Variants in ZFAT observed in about 807,000 individuals in gnomAD.
ZFAT encodes the protein zinc finger and AT-hook domain containing.
ZFAT carries 64 observed loss-of-function variants against 117.7 expected under a neutral mutation model. The ratio of observed to expected loss-of-function variants is 0.54; its 90% CI spans 0.44 to 0.67. The LOEUF is 0.67. Among genes scored for constraint, ZFAT ranks in the 30% least tolerant of loss-of-function variants. The pLI is 0.00. For missense variants in ZFAT, 1,433 were observed against 1,584.5 expected, an observed-to-expected ratio of 0.90 and a Z score of 1.62; for synonymous variants, 679 against 615.0, an observed-to-expected ratio of 1.10 and a Z score of -1.54.
intron 1 of ZFAT, 42 bp downstream of exon 1, chr8:134,712,803 C>A (rs770034128): frequency 2.2e-6 from 2 of 924,686 alleles, no homozygotes; most frequent in Non-Finnish European, 3.2e-6. Flanking sequence ...GCGCCGCGCC[C>A]CACCCCCACC....
chr8:134,616,140 C>T (rs1828718025), intron 3 of ZFAT, among the ~76,000 whole-genome samples: 1 of 152,188 alleles, frequency 6.6e-6, no homozygotes, highest in Admixed American at 6.5e-5. Flanking sequence ...TTCTCCACCG[C>T]ACTCCTGTAC....
In ZFAT at chr8:134,657,660, C is replaced by G. The variant is rs1831693053; in HGVS notation, c.97G>C (p.Glu33Gln). Residue 33 changes from glutamate to glutamine, a missense_variant, in exon 2 of 16, where the codon GAG (glutamate) becomes CAG (glutamine). Physicochemically the swap from Glu to Gln is conservative, Grantham distance 29. This residue lies in a region of ZFAT where 436 missense variants were observed against 482.0 expected (regional missense o/e 0.90). Transcript: ENST00000377838. Reference protein sequence around the residue: ...NQSELLSHVSEKHMEEGVNVD... With the variant: ...NQSELLSHVSQKHMEEGVNVD... ...TTAACCCCTTCTTCCATGTGCTTCTCTGAAACGTGGGAGAGGAGTTCCGAC... is the reference window on the plus strand; with the variant it reads ...TTAACCCCTTCTTCCATGTGCTTCTGTGAAACGTGGGAGAGGAGTTCCGAC... The G allele has an allele frequency of 1.9e-6, 3 of 1,613,924 alleles. No homozygotes were observed. In the Admixed American group the frequency reaches 5.0e-5, roughly 27 times the overall value.
At chr8:134,830,524 C>A in the ZFAT span, among the ~76,000 whole-genome samples, 1 of 152,212 alleles carries the variant, frequency 6.6e-6, no homozygotes, top group African/African-American at 2.4e-5. Context: ...AAAGCACCCA[C>A]ATATCAGAAA....
intron 10 of ZFAT, among the ~76,000 whole-genome samples, chr8:134,566,742 C>T (rs1349614069): frequency 6.6e-6 from 1 of 152,174 alleles, no homozygotes. Flanking sequence ...TGCCAGCTCA[C>T]CTGGAAACCT....
intron 15 of ZFAT, among the ~76,000 whole-genome samples, chr8:134,485,638 C>A (rs1337218680): frequency 6.6e-6 from 1 of 152,128 alleles, no homozygotes; most frequent in East Asian, 1.9e-4. Context: ...TGGCCCACAG[C>A]CTCTGAAACC....
chr8:134,509,810 G>A (rs1819680223), intron 14 of ZFAT, 61 bp from the exon 15 acceptor site: 2 of 1,529,682 alleles, frequency 1.3e-6, no homozygotes. Flanking sequence ...GACATGGAAT[G>A]CAAAACCAGC....
intron 1 of ZFAT, among the ~76,000 whole-genome samples, chr8:134,676,474 T>C (rs1160051475): frequency 3.9e-5 from 6 of 152,148 alleles, no homozygotes; most frequent in Admixed American, 3.3e-4. Flanking sequence ...CAAAGAGACT[T>C]AGACTCCCAC....
the ZFAT span, among the ~76,000 whole-genome samples, chr8:134,764,119 T>A: frequency 0.076 from 11,530 of 152,256 alleles, 824 homozygotes; most frequent in African/African-American, 0.19. Flanking sequence ...ATAATATTTG[T>A]TGTCTGCCTT....
the ZFAT span, among the ~76,000 whole-genome samples, chr8:134,742,561 G>C: frequency 2.0e-5 from 3 of 152,132 alleles, no homozygotes; most frequent in Admixed American, 1.3e-4. Flanking sequence ...TGAGCACAGT[G>C]GCAAGACTTC....
chr8:134,728,785 G>T, the ZFAT span, among the ~76,000 whole-genome samples: 1 of 152,172 alleles, frequency 6.6e-6, no homozygotes, highest in East Asian at 1.9e-4. Context: ...AAATCAGTTT[G>T]CACACACGTA....
chr8:134,591,193 T>C (rs937927712), intron 7 of ZFAT, among the ~76,000 whole-genome samples: 3 of 152,146 alleles, frequency 2.0e-5, no homozygotes, highest in Non-Finnish European at 4.4e-5. Flanking sequence ...TCACAAAAGA[T>C]AGGCACAGTT....
chr8:134,504,773 T>C (rs1321435395), intron 15 of ZFAT, among the ~76,000 whole-genome samples: 2 of 152,130 alleles, frequency 1.3e-5, no homozygotes, highest in African/African-American at 4.8e-5. Context: ...TTCCGAGACT[T>C]GGAATCCTTG....
At chr8:134,734,070 C>T in the ZFAT span, among the ~76,000 whole-genome samples, 35 of 152,200 alleles carry the variant, frequency 2.3e-4, no homozygotes, top group African/African-American at 7.5e-4. Context: ...TGCTTCAGGA[C>T]GCCGTTATTA....
chr8:134,629,561 G>C (rs552343749), intron 3 of ZFAT, among the ~76,000 whole-genome samples: 2 of 152,066 alleles, frequency 1.3e-5, no homozygotes, highest in African/African-American at 4.8e-5. Flanking sequence ...TGGATCATGG[G>C]GGTGGATTTC....
the ZFAT span, among the ~76,000 whole-genome samples, chr8:134,791,101 T>C: frequency 6.6e-6 from 1 of 152,246 alleles, no homozygotes; most frequent in African/African-American, 2.4e-5. Flanking sequence ...GTACATTTCA[T>C]TCATTCCTTT....
upstream of ZFAT, among the ~76,000 whole-genome samples, chr8:134,714,843 G>C (rs1279701294): frequency 6.6e-6 from 1 of 151,594 alleles, no homozygotes; most frequent in African/African-American, 2.4e-5. Flanking sequence ...TACCCAAACT[G>C]CCCCCCAGGC....
At chr8:134,599,499 C>T (rs950123222) in intron 7 of ZFAT, 11 of 283,052 alleles carry the variant, frequency 3.9e-5, no homozygotes, top group African/African-American at 2.3e-4. Flanking sequence ...AAGTGACTTG[C>T]CCAAGGCCAC....
chr8:134,589,541 T>C (rs1472979190), intron 8 of ZFAT, among the ~76,000 whole-genome samples: 1 of 152,230 alleles, frequency 6.6e-6, no homozygotes, highest in East Asian at 1.9e-4. Context: ...TGGGCCTGCC[T>C]GTAGAGGCAC....
rs138836563 is a variant in ZFAT, at chr8:134,639,858, G to T, written c.197-2146C>A. ...CGGCCCAGGTCTAAACCCAGTGACA[G>T]ACTCTGCCATCCCGCAGACACAAGC... is the stretch of plus-strand genomic sequence containing the variant. On this transcript the variant is annotated intron_variant, in intron 2 of 15. Coordinates refer to ENST00000377838, the MANE Select transcript of ZFAT (RefSeq NM_020863.4). The T allele has an allele frequency of 2.0e-3, 909 of 445,304 alleles. 9 individuals carry two copies. The Admixed American group carries it at 0.021, about 10-fold the overall frequency. 27.6% of individuals were successfully genotyped at this position (445,304 alleles called of 1,614,324 possible).
Sources: allele counts gnomAD v4.1 joint callset (sites outside exome capture counted in the v4.1 genomes callset), GRCh38; gene constraint gnomAD v4.1.1; regional missense constraint gnomAD v4.1.1; transcripts MANE v1.5; gene names NCBI Gene and HGNC (gene_info 2026-07-23, HGNC 2026-07-21).